The following SLC25A21 variants were observed in gnomAD, a reference collection of about 807,000 sequenced individuals.
The protein encoded by SLC25A21 is solute carrier family 25 member 21.
Under a neutral mutation model 43.8 loss-of-function variants are expected in SLC25A21, and 47 were observed. The ratio of observed to expected loss-of-function variants is 1.07; its 90% CI spans 0.85 to 1.37. SLC25A21 has a LOEUF of 1.37. Ranked by LOEUF, SLC25A21 falls within the 40% of genes most tolerant of loss-of-function variation. The pLI is 0.00. For missense variants in SLC25A21, 352 were observed against 350.2 expected, an observed-to-expected ratio of 1.00 and a Z score of -0.04; for synonymous variants, 131 against 121.3, an observed-to-expected ratio of 1.08 and a Z score of -0.52.
chr14:36,876,932 G>GATAA (rs3061675), intron 1 of SLC25A21, among the ~76,000 whole-genome samples: 29,172 of 149,742 alleles, frequency 0.19, 3,150 homozygotes, highest in Admixed American at 0.22. Flanking sequence ...TAGATAGATA[G>GATAA]ATAGATACAC....
chr14:37,031,090 A>T (rs1961201008), intron 1 of SLC25A21, among the ~76,000 whole-genome samples: 1 of 152,214 alleles, frequency 6.6e-6, no homozygotes, highest in Non-Finnish European at 1.5e-5. Context: ...AGCAATTTCC[A>T]ACAACCTACA....
chr14:36,701,822 C>T (rs1009489842), intron 7 of SLC25A21, among the ~76,000 whole-genome samples: 3 of 152,094 alleles, frequency 2.0e-5, no homozygotes, highest in Non-Finnish European at 4.4e-5. Flanking sequence ...AGTGTGTTCT[C>T]TCTGTTCCTT....
At chr14:36,791,842 ACCTT>A (rs1367643414) in intron 3 of SLC25A21, among the ~76,000 whole-genome samples, 2 of 152,108 alleles carry the variant, frequency 1.3e-5, no homozygotes, top group African/African-American at 4.8e-5. Flanking sequence ...GATGATCCTT[ACCTT>A]TGGTGGGAGT....
chr14:37,067,742 T>C (rs1962090602), intron 1 of SLC25A21, among the ~76,000 whole-genome samples: 1 of 152,220 alleles, frequency 6.6e-6, no homozygotes, highest in South Asian at 2.1e-4. Context: ...CTTTCAACTC[T>C]ATCAAATACA....
chr14:37,015,470 TTTGCTA>T, intron 1 of SLC25A21, among the ~76,000 whole-genome samples: 1 of 152,202 alleles, frequency 6.6e-6, no homozygotes, highest in East Asian at 1.9e-4. Flanking sequence ...GTTCCAAGTC[TTTGCTA>T]TTGTGAATAG....
chr14:37,108,712 T>A (rs1307894597), intron 1 of SLC25A21, among the ~76,000 whole-genome samples: 4,738 of 17,816 alleles, frequency 0.27, 251 homozygotes, highest in Middle Eastern at 0.33. Flanking sequence ...TAAGTGTGTG[T>A]GTGTGTGTGT....
At chr14:36,875,235 G>T (rs1890485966) in intron 1 of SLC25A21, among the ~76,000 whole-genome samples, 1 of 152,174 alleles carries the variant, frequency 6.6e-6, no homozygotes, top group African/African-American at 2.4e-5. Context: ...TGGCAGGGAG[G>T]TAGGGCTGGA....
rs946881829 is a variant in SLC25A21, at chr14:36,704,265, G to C, written c.603+7053C>G. The stretch of plus-strand genomic sequence containing the variant: ...GTTATGGGTCTGAGCATGGCAGAAA[G>C]AGAATCCAGAGAATCCGGTTACGTT... On this transcript the variant is annotated intron_variant, in intron 7 of 9. Transcript: ENST00000331299. 1.4e-4 allele frequency among the ~76,000 whole-genome samples: 21 copies of C among 152,192 alleles called. 1 individual carries two copies. Among genetic ancestry groups the C allele is most frequent in the Admixed American group, 1.2e-3 (18 of 15,280 alleles).
chr14:36,866,996 T>C (rs1000630518), intron 2 of SLC25A21, among the ~76,000 whole-genome samples: 2 of 152,176 alleles, frequency 1.3e-5, no homozygotes, highest in Admixed American at 6.5e-5. Context: ...TAAGATTACA[T>C]GTGTGTGGTG....
At chr14:36,892,017 G>T (rs1318662733) in intron 1 of SLC25A21, among the ~76,000 whole-genome samples, 1 of 152,120 alleles carries the variant, frequency 6.6e-6, no homozygotes, top group Non-Finnish European at 1.5e-5. Flanking sequence ...TGATGTAGTG[G>T]TTAAGCATTA....
chr14:36,697,298 T>C (rs1199696195), intron 7 of SLC25A21, among the ~76,000 whole-genome samples: 1 of 152,250 alleles, frequency 6.6e-6, no homozygotes, highest in African/African-American at 2.4e-5. Context: ...TTTTTGTTCC[T>C]TTACATTTGC....
intron 1 of SLC25A21, among the ~76,000 whole-genome samples, chr14:36,948,008 A>C (rs1594712268): frequency 6.6e-6 from 1 of 152,310 alleles, no homozygotes; most frequent in South Asian, 2.1e-4. Flanking sequence ...TCATTATTCC[A>C]AAGTATGAAT....
intron 1 of SLC25A21, among the ~76,000 whole-genome samples, chr14:37,120,889 C>A (rs920143861): frequency 2.6e-5 from 4 of 152,092 alleles, no homozygotes; most frequent in African/African-American, 9.7e-5. Context: ...ATAAGTACTG[C>A]CAGCCACATC....
chr14:37,112,398 A>T (rs1248356221), intron 1 of SLC25A21, among the ~76,000 whole-genome samples: 1 of 152,210 alleles, frequency 6.6e-6, no homozygotes, highest in African/African-American at 2.4e-5. Context: ...AAATAAGAGA[A>T]AATGGGAGAT....
intron 1 of SLC25A21, among the ~76,000 whole-genome samples, chr14:36,913,488 C>A (rs1274221396): frequency 6.6e-6 from 1 of 152,130 alleles, no homozygotes; most frequent in Non-Finnish European, 1.5e-5. Context: ...GTTGTCCAGG[C>A]TGGCCTCGAA....
chr14:36,846,767 A>G (rs1889558268), intron 2 of SLC25A21, among the ~76,000 whole-genome samples: 2 of 152,202 alleles, frequency 1.3e-5, no homozygotes, highest in East Asian at 1.9e-4. Flanking sequence ...TGTCAGACAC[A>G]GGTCTAGTCC....
At chr14:36,814,113 C>G (rs1888369109) in intron 2 of SLC25A21, 112 bp from the exon 3 acceptor site, 3 of 655,964 alleles carry the variant, frequency 4.6e-6, no homozygotes, top group Non-Finnish European at 7.8e-6. Flanking sequence ...GAATATTCTG[C>G]TTTGGTATGG....
intron 1 of SLC25A21, among the ~76,000 whole-genome samples, chr14:37,128,538 C>CTGTGTG (rs367948974): frequency 0.14 from 17,094 of 122,530 alleles, 1,407 homozygotes; most frequent in Admixed American, 0.2. Flanking sequence ...CTCTCTCTCT[C>CTGTGTG]TGTGTGTGTG....
intron 3 of SLC25A21, among the ~76,000 whole-genome samples, chr14:36,809,646 T>C (rs534416734): frequency 6.6e-6 from 1 of 152,272 alleles, no homozygotes; most frequent in Admixed American, 6.5e-5. Context: ...GAGAGAACCA[T>C]TTCATTTTCT....
Sources: gnomAD v4.1 joint callset for allele counts (sites outside exome capture counted in the v4.1 genomes callset) on GRCh38, gnomAD v4.1.1 for gene constraint, MANE v1.5 for transcripts, NCBI Gene and HGNC (gene_info 2026-07-23, HGNC 2026-07-21) for gene names.